Variants in GRIK4 observed in about 807,000 individuals in gnomAD.
GRIK4 encodes the protein glutamate receptor ionotropic, kainate 4.
GRIK4 carries 40 observed loss-of-function variants against 104.9 expected under a neutral mutation model. The observed-to-expected ratio is 0.38, with a 90% CI of 0.30 to 0.50. The LOEUF is 0.50. GRIK4 is among the 20% of genes least tolerant of loss of function. The probability of loss-of-function intolerance (pLI) is 0.93; values close to 1 mark genes in which losing one functional copy is unlikely to be tolerated. For synonymous variants in GRIK4, 485 were observed against 524.9 expected (o/e 0.92, Z 1.04); for missense variants, 1,047 against 1,308.1 (o/e 0.80, Z 3.08).
intron 9 of GRIK4, chr11:120,869,476 A>T (rs1052688527): frequency 3.9e-5 from 6 of 152,290 alleles, no homozygotes; most frequent in African/African-American, 1.4e-4. Context: ...TACTAGAAGC[A>T]CTCGAAGAAT....
chr11:120,547,240 AG>A (rs1490500846), intron 1 of GRIK4, among the ~76,000 whole-genome samples: 1 of 152,084 alleles, frequency 6.6e-6, no homozygotes, highest in African/African-American at 2.4e-5. Context: ...CTCTGCCTCC[AG>A]GGTACCCTGG....
chr11:120,958,487 C>G (rs1414347014), intron 16 of GRIK4, among the ~76,000 whole-genome samples: 1 of 152,248 alleles, frequency 6.6e-6, no homozygotes, highest in East Asian at 1.9e-4. Flanking sequence ...CGGTTTGGTC[C>G]GTTCCATGGA....
chr11:120,564,515 CG>C (rs1458769480), intron 1 of GRIK4: 1 of 152,228 alleles, frequency 6.6e-6, no homozygotes, highest in Non-Finnish European at 1.5e-5. Flanking sequence ...AGGAAGGAGA[CG>C]GGTGCCTCCC....
chr11:120,981,570 A>C (rs987987500), intron 19 of GRIK4, among the ~76,000 whole-genome samples: 4 of 152,138 alleles, frequency 2.6e-5, no homozygotes, highest in Admixed American at 6.5e-5. Context: ...TTTGTGAACC[A>C]CTCGTTTGGT....
intron 9 of GRIK4, chr11:120,871,409 G>C (rs1954606065): frequency 8.5e-6 from 3 of 353,878 alleles, no homozygotes; most frequent in South Asian, 6.6e-5. Flanking sequence ...TGAAGAAGGA[G>C]CTGAGGGCAA....
chr11:120,742,860 A>G (rs1478446113), intron 3 of GRIK4, among the ~76,000 whole-genome samples: 1 of 152,222 alleles, frequency 6.6e-6, no homozygotes, highest in Non-Finnish European at 1.5e-5. Context: ...ACATGGGATC[A>G]ACCTAAATGC....
Position 120,688,581 on chromosome 11 carries a change from C to T in GRIK4, c.82+28181C>T, listed in dbSNP as rs1212085837. On this transcript the variant is annotated intron_variant, in intron 3 of 20. Transcript: ENST00000527524. ...AGCCCAGGAGGCCTCGATACTTCAT[C>T]AGGTTTCTAATGATTTTGTCAGAGT... Among the ~76,000 whole-genome samples the T allele has an allele frequency of 2.0e-5, 3 of 152,182 alleles. No homozygotes were observed. The East Asian group carries it at 5.8e-4, about 29-fold the overall frequency.
intron 3 of GRIK4, among the ~76,000 whole-genome samples, chr11:120,775,760 G>T (rs1952030988): frequency 6.6e-6 from 1 of 152,334 alleles, no homozygotes; most frequent in South Asian, 2.1e-4. Context: ...GAGAACTCTT[G>T]GTTCAGACCA....
At chr11:120,769,408 GCA>G (rs1208863755) in intron 3 of GRIK4, among the ~76,000 whole-genome samples, 1 of 152,068 alleles carries the variant, frequency 6.6e-6, no homozygotes, top group African/African-American at 2.4e-5. Flanking sequence ...TGCCATTATA[GCA>G]CAAAAGCAGC....
At chr11:120,702,749 T>A (rs1455440865) in intron 3 of GRIK4, among the ~76,000 whole-genome samples, 3 of 152,146 alleles carry the variant, frequency 2.0e-5, no homozygotes. Flanking sequence ...GCTCTGGAGA[T>A]TTTTGTTTCA....
At chr11:120,866,389 G>A (rs189634427) in intron 9 of GRIK4, among the ~76,000 whole-genome samples, 3 of 152,324 alleles carry the variant, frequency 2.0e-5, no homozygotes, top group Admixed American at 2.0e-4. Context: ...AAAGCACCAG[G>A]CAGGGTCCAC....
chr11:120,842,297 G>C (rs1806484160), intron 8 of GRIK4, among the ~76,000 whole-genome samples: 1 of 152,218 alleles, frequency 6.6e-6, no homozygotes, highest in African/African-American at 2.4e-5. Flanking sequence ...TTAGAGACCA[G>C]TGTTAGGAAA....
At chr11:120,917,858 G>A (rs80018184) in intron 13 of GRIK4, among the ~76,000 whole-genome samples, 3,233 of 152,226 alleles carry the variant, frequency 0.021, 134 homozygotes, top group African/African-American at 0.073. Flanking sequence ...CCCACTGAGC[G>A]CCAGCTGTTA....
chr11:120,591,617 C>T lies in GRIK4; in HGVS notation c.-158-62068C>T, dbSNP rs182913277. 2.4e-3 allele frequency among the ~76,000 whole-genome samples: 360 copies of T among 152,298 alleles called. 1 individual carries two copies. The highest frequency in any genetic ancestry group is 7.6e-3 in the African/African-American group (315 of 41,558). On this transcript the variant is annotated intron_variant, in intron 1 of 20. Transcript: ENST00000527524. ...TTTTTGCCTTCTTCCCTCTTCCCTC[C>T]ACCACAGCCTCTTCTCAGAAGTTCC...
chr11:120,729,365 A>G lies in GRIK4; in HGVS notation c.82+68965A>G, dbSNP rs184536191. On this transcript the variant is annotated intron_variant, in intron 3 of 20. Coordinates refer to ENST00000527524, the MANE Select transcript of GRIK4 (RefSeq NM_014619.5). ...TTCTCCTTAGTGGTTATACTAATCT[A>G]CATTCCCACCAGCAGTGTGTGAGGG... is the stretch of plus-strand genomic sequence containing the variant. 4.4e-3 allele frequency among the ~76,000 whole-genome samples: 671 copies of G among 152,304 alleles called. 14 individuals are homozygous for G. The highest frequency in any genetic ancestry group is 0.036 in the Admixed American group (555 of 15,306).
intron 3 of GRIK4, among the ~76,000 whole-genome samples, chr11:120,797,612 T>C (rs1172170562): frequency 1.3e-5 from 2 of 152,196 alleles, no homozygotes; most frequent in East Asian, 3.9e-4. Flanking sequence ...ATATGTTTTA[T>C]GCCAGCCAAC....
chr11:120,544,326 A>G (rs1307708554), intron 1 of GRIK4, among the ~76,000 whole-genome samples: 2 of 151,810 alleles, frequency 1.3e-5, no homozygotes, highest in Non-Finnish European at 1.5e-5. Flanking sequence ...GTTAAATAAT[A>G]CTATTTTTAT....
intron 3 of GRIK4, among the ~76,000 whole-genome samples, chr11:120,690,851 C>T (rs1356408994): frequency 2.0e-5 from 3 of 152,206 alleles, no homozygotes; most frequent in Non-Finnish European, 4.4e-5. Flanking sequence ...ATAATTCTTG[C>T]CCTTCTTTTA....
At chr11:120,566,090 A>T (rs952954486) in intron 1 of GRIK4, among the ~76,000 whole-genome samples, 12 of 152,330 alleles carry the variant, frequency 7.9e-5, no homozygotes, top group African/African-American at 2.4e-4. Flanking sequence ...GGCAGCCTGG[A>T]TTTGTGCTTT....
Sources: allele counts gnomAD v4.1 joint callset (sites outside exome capture counted in the v4.1 genomes callset), GRCh38; gene constraint gnomAD v4.1.1; transcripts MANE v1.5; gene names NCBI Gene and HGNC (gene_info 2026-07-23, HGNC 2026-07-21).